Variants in CPNE3 observed in about 807,000 individuals in gnomAD.
CPNE3 encodes the protein copine-3.
Under a neutral mutation model 63.9 loss-of-function variants are expected in CPNE3, and 68 were observed. That is an observed-to-expected ratio of 1.06 (90% CI 0.87 to 1.30). CPNE3 has a LOEUF of 1.30. CPNE3 is among the 50% of genes most tolerant of loss of function. CPNE3 has a pLI of 0.00. For missense variants in CPNE3, 665 were observed against 578.1 expected, an observed-to-expected ratio of 1.15 and a Z score of -1.54; for synonymous variants, 219 against 197.5, an observed-to-expected ratio of 1.11 and a Z score of -0.91.
chr8:86,522,923 C>T (rs1820466749), intron 2 of CPNE3, among the ~76,000 whole-genome samples: 1 of 152,184 alleles, frequency 6.6e-6, no homozygotes, highest in Admixed American at 6.6e-5. Flanking sequence ...CTCCCCTCAC[C>T]TGCGTACCTT....
chr8:86,516,174 AC>A (rs1322321990), intron 2 of CPNE3, among the ~76,000 whole-genome samples: 1 of 152,176 alleles, frequency 6.6e-6, no homozygotes, highest in Non-Finnish European at 1.5e-5. Flanking sequence ...TTAGGACCCC[AC>A]AGACCAAAAG....
At chr8:86,541,736 C>T (rs1407791002) in intron 8 of CPNE3, among the ~76,000 whole-genome samples, 1 of 148,974 alleles carries the variant, frequency 6.7e-6, no homozygotes, top group African/African-American at 2.5e-5. Context: ...TGCTTCATTA[C>T]TGAGATCCAT....
Position 86,540,294 on chromosome 8 carries a change from T to G in CPNE3, c.593T>G (p.Leu198Arg), listed in dbSNP as rs766674375. Residue 198 changes from leucine to arginine, a missense_variant, in exon 8 of 17, where the codon CTT (leucine) becomes CGT (arginine). By Grantham distance (102) the Leu-to-Arg change is moderately radical. Coordinates refer to ENST00000517490, the MANE Select transcript of CPNE3 (RefSeq NM_003909.5). The part of the protein sequence containing the change: ...NPVWRPFKIS[L>R]NSLCYGDMDK... The stretch of plus-strand genomic sequence containing the variant: ...GTTTGGAGGCCTTTCAAGATCTCTC[T>G]TAACTCACTGTGTTACGGAGATATG... 1 of 1,603,588 alleles carries G rather than the reference T, an allele frequency of 6.2e-7. No homozygotes were observed. Among genetic ancestry groups the G allele is most frequent in the Non-Finnish European group, 8.5e-7 (1 of 1,175,560 alleles).
intron 14 of CPNE3, chr8:86,553,827 A>G (rs1821249349): frequency 1.4e-5 from 2 of 143,074 alleles, no homozygotes. Context: ...AATTTCTGTT[A>G]TCCTGTCTGC....
Position 86,548,358 on chromosome 8 carries a change from T to C in CPNE3, c.937T>C (p.Tyr313His), listed in dbSNP as rs1821099846. ...GDPRSPDSLHYISPNGVNEYL... is the reference protein window; with the variant it reads ...GDPRSPDSLHHISPNGVNEYL... Reference sequence around the variant, plus strand: ...CCCAAGGTCTCCAGACTCCCTTCATTACATCAGCCCCAATGGCGTTAATGA... The same window carrying C: ...CCCAAGGTCTCCAGACTCCCTTCATCACATCAGCCCCAATGGCGTTAATGA... Residue 313 changes from tyrosine to histidine, a missense_variant, in exon 12 of 17, where the codon TAC becomes CAC. Coordinates refer to ENST00000517490, the MANE Select transcript of CPNE3 (RefSeq NM_003909.5). The C allele has an allele frequency of 1.2e-6, 2 of 1,614,188 alleles. No individual in the cohort carries two copies. The highest frequency in any genetic ancestry group is 8.5e-7 in the Non-Finnish European group (1 of 1,180,028).
At chr8:86,527,540 G>C (rs1820566814) in intron 2 of CPNE3, among the ~76,000 whole-genome samples, 1 of 152,070 alleles carries the variant, frequency 6.6e-6, no homozygotes, top group Non-Finnish European at 1.5e-5. Flanking sequence ...TCTCTCTGTA[G>C]AATAGTAGGC....
At chr8:86,529,984 A>G (rs1820633803) in intron 4 of CPNE3, among the ~76,000 whole-genome samples, 1 of 152,048 alleles carries the variant, frequency 6.6e-6, no homozygotes, top group Non-Finnish European at 1.5e-5. Flanking sequence ...TTGAGGAAGT[A>G]TTTCTTTTTT....
chr8:86,536,111 C>T (rs1430131409), intron 6 of CPNE3, among the ~76,000 whole-genome samples: 7 of 151,484 alleles, frequency 4.6e-5, no homozygotes, highest in East Asian at 1.9e-4. Flanking sequence ...ACCTTGCTTC[C>T]GCTTTCCTCC....
At chr8:86,546,007 G>A (rs905163040) in intron 9 of CPNE3, among the ~76,000 whole-genome samples, 7 of 152,164 alleles carry the variant, frequency 4.6e-5, no homozygotes, top group African/African-American at 1.7e-4. Context: ...TGGATAGGGG[G>A]ATAGGAAGGG....
intron 9 of CPNE3, 143 bp downstream of exon 9, chr8:86,544,981 C>T (rs1166078555): frequency 2.5e-6 from 1 of 406,674 alleles, no homozygotes; most frequent in African/African-American, 2.1e-5. Flanking sequence ...TTAGTAATCA[C>T]ATAATCCACA....
At chr8:86,542,171 C>T (rs1010236461) in intron 8 of CPNE3, among the ~76,000 whole-genome samples, 7 of 152,186 alleles carry the variant, frequency 4.6e-5, no homozygotes, top group South Asian at 2.1e-4. Flanking sequence ...TGGTTTGCTA[C>T]GTCATCACTG....
chr8:86,518,504 C>T (rs1027652619), intron 2 of CPNE3, among the ~76,000 whole-genome samples: 5 of 152,174 alleles, frequency 3.3e-5, no homozygotes, highest in African/African-American at 1.2e-4. Context: ...CACTGATTTT[C>T]ATTGAGGGTA....
rs917289524 is a variant in CPNE3 at position 86,535,349 on chromosome 8, C to T, written c.460-2214C>T. 3.3e-5 allele frequency among the ~76,000 whole-genome samples: 5 copies of T among 149,320 alleles called. No homozygotes were observed. In the East Asian group the frequency reaches 9.9e-4, roughly 29 times the overall value. Reference sequence around the variant, plus strand: ...TTTTTTTTTTTAAGAAAAACTAAATCATGAAATTACACAACTATTTCCAAT... The same window carrying T: ...TTTTTTTTTTTAAGAAAAACTAAATTATGAAATTACACAACTATTTCCAAT... On this transcript the variant is annotated intron_variant, in intron 6 of 16. Transcript: ENST00000517490.
Position 86,532,502 on chromosome 8 carries a change from C to T in CPNE3, c.388-7C>T. 5 of 1,606,996 alleles carry T rather than the reference C, an allele frequency of 3.1e-6. No individual in the cohort carries two copies. Among genetic ancestry groups the T allele is most frequent in the Non-Finnish European group, 4.2e-6 (5 of 1,176,814 alleles). ...TATTTTCTTTCACTTACCTGATCTA[C>T]TCATAGATTTCAGCTGAAGAAATAA... On this transcript the variant is annotated splice_region_variant and splice_polypyrimidine_tract_variant and intron_variant, in intron 5 of 16. Transcript: ENST00000517490.
chr8:86,542,443 CTG>C (rs1820961655), intron 8 of CPNE3, among the ~76,000 whole-genome samples: 1 of 152,036 alleles, frequency 6.6e-6, no homozygotes, highest in Admixed American at 6.6e-5. Context: ...AATGTAGTAT[CTG>C]TGTGGTGTGT....
chr8:86,516,796 C>T (rs1820322552), intron 2 of CPNE3, among the ~76,000 whole-genome samples: 1 of 151,944 alleles, frequency 6.6e-6, no homozygotes. Context: ...TCTCTTTTTT[C>T]CTCCCTTTCA....
chr8:86,549,986 G>A (rs1050416241), intron 12 of CPNE3, among the ~76,000 whole-genome samples: 5 of 152,172 alleles, frequency 3.3e-5, no homozygotes, highest in South Asian at 2.1e-4. Flanking sequence ...GGATATTGCC[G>A]GAGAGCAGCA....
chr8:86,535,012 G>A (rs564387331), intron 6 of CPNE3, among the ~76,000 whole-genome samples: 159 of 152,220 alleles, frequency 1.0e-3, no homozygotes, highest in African/African-American at 3.6e-3. Flanking sequence ...TGGCCTGAGG[G>A]AATTCCTTTA....
chr8:86,548,531 G>C, intron 12 of CPNE3, 97 bp downstream of exon 12: 3 of 1,445,242 alleles, frequency 2.1e-6, no homozygotes, highest in Non-Finnish European at 2.8e-6. Flanking sequence ...TAGGTGGTAG[G>C]TTGATGATGC....
Sources: gnomAD v4.1 joint callset for allele counts (sites outside exome capture counted in the v4.1 genomes callset) on GRCh38, gnomAD v4.1.1 for gene constraint, MANE v1.5 for transcripts, NCBI Gene and HGNC (gene_info 2026-07-23, HGNC 2026-07-21) for gene names.